PRDM1: variants seen among roughly 807,000 people sequenced by gnomAD.
PRDM1 encodes the protein PR/SET domain 1.
A neutral mutation model predicts 62.8 loss-of-function variants in PRDM1; 13 were observed. That is an observed-to-expected ratio of 0.21 (90% CI 0.13 to 0.33). The LOEUF is 0.33. Among genes scored for constraint, PRDM1 ranks in the 10% least tolerant of loss-of-function variants. PRDM1 has a pLI of 1.00. For missense variants in PRDM1, 895 were observed against 1,058.8 expected, an observed-to-expected ratio of 0.85 and a Z score of 2.15; for synonymous variants, 396 against 417.6, an observed-to-expected ratio of 0.95 and a Z score of 0.63.
At chr6:106,098,100 T>G (rs1046750327) in intron 3 of PRDM1, 1 of 555,856 alleles carries the variant, frequency 1.8e-6, no homozygotes, top group Non-Finnish European at 2.3e-6. Context: ...TAGACTAGCA[T>G]AGTCGGTACG....
chr6:106,099,073 C>T (rs1253574496), intron 3 of PRDM1: 11 of 1,613,996 alleles, frequency 6.8e-6, no homozygotes, highest in South Asian at 6.6e-5. Context: ...CATGAAAAGA[C>T]GATAAAACTG....
chr6:106,078,287 A>T (rs1468566399), intron 1 of PRDM1: 2 of 152,198 alleles, frequency 1.3e-5, no homozygotes, highest in Non-Finnish European at 2.9e-5. Context: ...AGTCCAAAAT[A>T]AGCTCTTAAT....
rs1292613975 is a variant in PRDM1 at position 106,109,629 on chromosome 6, T to C, written c.*2143T>C. Reference sequence around the variant, plus strand: ...CACGTTGACATTAGACCAAATACTTTTGATTCCCAACTACTCGTTTGTTCT... The same window carrying C: ...CACGTTGACATTAGACCAAATACTTCTGATTCCCAACTACTCGTTTGTTCT... On this transcript the variant is annotated 3_prime_UTR_variant, in exon 7 of 7. Coordinates refer to ENST00000369096, the MANE Select transcript of PRDM1 (RefSeq NM_001198.4). The C allele has an allele frequency of 5.6e-5, 13 of 233,456 alleles. No homozygotes were observed. Among genetic ancestry groups the C allele is most frequent in the Non-Finnish European group, 1.1e-4 (13 of 117,908 alleles). The allele number at this position is 233,456 out of a possible 1,614,324, so 14.5% of individuals were successfully genotyped here.
Position 106,013,224 on chromosome 6 carries a change from T to C in PRDM1, c.-67+19585T>C, listed in dbSNP as rs1044879065. Among the ~76,000 whole-genome samples, 29 of 151,900 alleles carry C rather than the reference T, an allele frequency of 1.9e-4. 1 individual carries two copies. The highest frequency in any genetic ancestry group is 6.3e-4 in the African/African-American group (26 of 41,338). On this transcript the variant is annotated intron_variant, in intron 1 of 6. Coordinates refer to the PRDM1 transcript ENST00000652320. ...AGATCATCAATAATTGCAGTGCTTA[T>C]CATCAACCTTCCCAATCCCTCTAAA...
At chr6:106,088,159 G>A (rs1434868556) in intron 1 of PRDM1, 42 bp from the exon 2 acceptor site, 4 of 1,546,574 alleles carry the variant, frequency 2.6e-6, no homozygotes, top group Non-Finnish European at 2.6e-6. Flanking sequence ...CCACAGGAAC[G>A]GCGGGACAAT....
chr6:105,998,929 A>ATTT (rs1562141260), intron 1 of PRDM1, among the ~76,000 whole-genome samples: 1 of 2,100 alleles, frequency 4.8e-4, no homozygotes, highest in Non-Finnish European at 9.8e-4. Flanking sequence ...ATATATATAT[A>ATTT]TATATTTTTT....
At chr6:106,071,489 C>CAAAA (rs1773520087) in intron 1 of PRDM1, among the ~76,000 whole-genome samples, 1 of 152,044 alleles carries the variant, frequency 6.6e-6, no homozygotes, top group African/African-American at 2.4e-5. Flanking sequence ...ATCGATTTTG[C>CAAAA]ATTGATTTTC....
At chr6:106,078,651 C>T (rs1365649440) in intron 1 of PRDM1, among the ~76,000 whole-genome samples, 1 of 152,196 alleles carries the variant, frequency 6.6e-6, no homozygotes. Context: ...GCAGGCAGAT[C>T]GCTTGAGCCC....
At chr6:106,047,992 T>C (rs1391268185), upstream of PRDM1, among the ~76,000 whole-genome samples, 1 of 152,182 alleles carries the variant, frequency 6.6e-6, no homozygotes, top group Non-Finnish European at 1.5e-5. Flanking sequence ...GATTCTAAAA[T>C]GTAGTGGTAA....
intron 1 of PRDM1, among the ~76,000 whole-genome samples, chr6:105,997,186 A>G (rs945095883): frequency 6.6e-6 from 1 of 152,228 alleles, no homozygotes; most frequent in African/African-American, 2.4e-5. Flanking sequence ...TAAGCCTAAG[A>G]CACTGGGATG....
At chr6:106,062,242 T>A (rs1773355715) in intron 1 of PRDM1, among the ~76,000 whole-genome samples, 1 of 152,222 alleles carries the variant, frequency 6.6e-6, no homozygotes, top group Non-Finnish European at 1.5e-5. Flanking sequence ...CGGGAACAGA[T>A]CTTTGTCATG....
chr6:106,007,928 C>T (rs866478811), intron 1 of PRDM1, among the ~76,000 whole-genome samples: 1 of 152,236 alleles, frequency 6.6e-6, no homozygotes, highest in Admixed American at 6.5e-5. Flanking sequence ...CCCCACTGCA[C>T]CCTGTGCATT....
intron 4 of PRDM1, among the ~76,000 whole-genome samples, chr6:106,101,149 TAGTG>T (rs1325476851): frequency 1.3e-5 from 2 of 152,164 alleles, no homozygotes; most frequent in Non-Finnish European, 2.9e-5. Flanking sequence ...TTTCTTAACA[TAGTG>T]AGCCACTTCC....
chr6:106,013,337 T>C (rs1395514064), intron 1 of PRDM1, among the ~76,000 whole-genome samples: 1 of 151,388 alleles, frequency 6.6e-6, no homozygotes, highest in Non-Finnish European at 1.5e-5. Flanking sequence ...TTTCTTTTTT[T>C]TTTTTTTTGA....
At chr6:106,079,921 G>A (rs1185628354) in intron 1 of PRDM1, among the ~76,000 whole-genome samples, 1 of 152,242 alleles carries the variant, frequency 6.6e-6, no homozygotes, top group East Asian at 1.9e-4. Flanking sequence ...GCAGGGAAGA[G>A]TGGGAAGAGA....
intron 4 of PRDM1, 152 bp from the exon 5 acceptor site, chr6:106,104,673 C>T (rs1001204464): frequency 9.8e-7 from 1 of 1,015,362 alleles, no homozygotes; most frequent in Non-Finnish European, 1.4e-6. Context: ...GGCCCAGAGC[C>T]TTCTAGAATG....
rs149213695 is a variant in PRDM1 at position 105,994,340 on chromosome 6, G to A, written c.-67+701G>A. Among the ~76,000 whole-genome samples the A allele has an allele frequency of 4.5e-3, 682 of 150,650 alleles. 6 individuals are homozygous for A. Among genetic ancestry groups the A allele is most frequent in the African/African-American group, 0.016 (642 of 41,026 alleles). On this transcript the variant is annotated intron_variant, in intron 1 of 6. Transcript: ENST00000652320. This position sits in a 1 kb window ranked among gnomAD's most constrained non-coding sequence, Gnocchi z 4.1. ...AGCGCGTACACAGCTAGCGGCTCTGGATTGGACTGCATTCGCCTAAATTGC... is the reference window on the plus strand; with the variant it reads ...AGCGCGTACACAGCTAGCGGCTCTGAATTGGACTGCATTCGCCTAAATTGC...
intron 1 of PRDM1, among the ~76,000 whole-genome samples, chr6:106,036,321 C>G (rs752650387): frequency 2.6e-5 from 4 of 151,514 alleles, no homozygotes; most frequent in Non-Finnish European, 4.4e-5. Context: ...GCTAACCATG[C>G]ACTCTAACTT....
chr6:106,063,518 C>T (rs1236644718), intron 1 of PRDM1, among the ~76,000 whole-genome samples: 1 of 152,096 alleles, frequency 6.6e-6, no homozygotes, highest in Non-Finnish European at 1.5e-5. Context: ...TGGGGCATCT[C>T]TTCATATATA....
Sources: allele counts gnomAD v4.1 joint callset (sites outside exome capture counted in the v4.1 genomes callset), GRCh38; gene constraint gnomAD v4.1.1; non-coding constraint Gnocchi (gnomAD v3.1); transcripts MANE v1.5; gene names NCBI Gene and HGNC (gene_info 2026-07-23, HGNC 2026-07-21).